CLSTN2: variants seen among roughly 807,000 people sequenced by gnomAD.
The protein encoded by CLSTN2 is calsyntenin 2.
In CLSTN2, 48 loss-of-function variants were observed where a neutral mutation model predicts 101.2. The observed-to-expected ratio is 0.47, with a 90% CI of 0.38 to 0.60. The LOEUF is 0.60. Among genes scored for constraint, CLSTN2 ranks in the 20% least tolerant of loss-of-function variants. CLSTN2 has a pLI of 0.00. For missense variants in CLSTN2, 1,160 were observed against 1,238.2 expected (o/e 0.94, Z 0.95); for synonymous variants, 481 against 463.6 (o/e 1.04, Z -0.48).
chr3:140,067,554 G>C (rs1431436878), intron 1 of CLSTN2, among the ~76,000 whole-genome samples: 2 of 152,214 alleles, frequency 1.3e-5, no homozygotes, highest in African/African-American at 4.8e-5. Flanking sequence ...GCCCATTTTA[G>C]AGAGGAGAAG....
chr3:139,949,266 A>T (rs989468330), intron 1 of CLSTN2, among the ~76,000 whole-genome samples: 1 of 152,078 alleles, frequency 6.6e-6, no homozygotes, highest in Non-Finnish European at 1.5e-5. Context: ...AACGCTATGG[A>T]TGAAGTAGGT....
At chr3:140,052,961 G>T (rs1026829468) in intron 1 of CLSTN2, among the ~76,000 whole-genome samples, 1 of 152,220 alleles carries the variant, frequency 6.6e-6, no homozygotes, top group Non-Finnish European at 1.5e-5. Flanking sequence ...GCAGAAGCAG[G>T]CTGTTTGTAG....
intron 2 of CLSTN2, among the ~76,000 whole-genome samples, chr3:140,320,620 G>GGC (rs113088475): frequency 0.018 from 2,582 of 146,100 alleles, 52 homozygotes; most frequent in South Asian, 0.097. Context: ...GCGGGGGGGG[G>GGC]CAGGGGTCAA....
intron 1 of CLSTN2, among the ~76,000 whole-genome samples, chr3:140,135,421 C>A (rs1253414382): frequency 6.6e-6 from 1 of 152,110 alleles, no homozygotes; most frequent in East Asian, 1.9e-4. Context: ...GCAGTAGAAT[C>A]TTGAGCTAAA....
intron 1 of CLSTN2, among the ~76,000 whole-genome samples, chr3:140,082,068 T>C (rs2008607718): frequency 6.6e-6 from 1 of 152,158 alleles, no homozygotes; most frequent in Non-Finnish European, 1.5e-5. Context: ...ACACCTTAAA[T>C]GGAGCAGCAG....
chr3:140,378,690 T>A (rs2087946462), intron 2 of CLSTN2, among the ~76,000 whole-genome samples: 1 of 152,178 alleles, frequency 6.6e-6, no homozygotes, highest in African/African-American at 2.4e-5. Flanking sequence ...ATCCTTGTAC[T>A]CAGAAAGAGC....
rs536976665 is a variant in CLSTN2 at position 140,060,335 on chromosome 3, T to C, written c.110-115616T>C. 9.9e-5 allele frequency among the ~76,000 whole-genome samples: 15 copies of C among 152,238 alleles called. No homozygotes were observed. In the South Asian group the frequency reaches 3.1e-3, roughly 32 times the overall value. On this transcript the variant is annotated intron_variant, in intron 1 of 16. Transcript: ENST00000458420. ...CTCATGGAGTAGGGGCTGGGGGTCA[T>C]GGGAAGAAGACTGCCTATGACTCTT... is the stretch of plus-strand genomic sequence containing the variant.
chr3:140,130,812 C>T (rs1027835295), intron 1 of CLSTN2, among the ~76,000 whole-genome samples: 46 of 152,136 alleles, frequency 3.0e-4, no homozygotes, highest in African/African-American at 1.0e-3. Context: ...TCTTTGTTTT[C>T]TAGAAGTCTT....
intron 2 of CLSTN2, among the ~76,000 whole-genome samples, chr3:140,234,875 C>T (rs1240420153): frequency 1.3e-5 from 2 of 152,186 alleles, no homozygotes; most frequent in African/African-American, 4.8e-5. Context: ...TGCTCCTCCT[C>T]TCTGCCTGTC....
chr3:140,530,689 G>T (rs1359919012), intron 8 of CLSTN2, among the ~76,000 whole-genome samples: 1 of 152,252 alleles, frequency 6.6e-6, no homozygotes, highest in Non-Finnish European at 1.5e-5. Flanking sequence ...GTCACACAGA[G>T]AGGATGGTCA....
At chr3:140,464,499 A>T (rs1395045256) in intron 7 of CLSTN2, among the ~76,000 whole-genome samples, 1 of 152,236 alleles carries the variant, frequency 6.6e-6, no homozygotes, top group East Asian at 1.9e-4. Flanking sequence ...AGCAAATCAC[A>T]TCACCAACAC....
intron 1 of CLSTN2, among the ~76,000 whole-genome samples, chr3:140,153,275 T>G (rs1364936127): frequency 6.6e-6 from 1 of 152,202 alleles, no homozygotes; most frequent in Non-Finnish European, 1.5e-5. Flanking sequence ...ACTGGTAATA[T>G]AAGGGGCTGC....
intron 1 of CLSTN2, among the ~76,000 whole-genome samples, chr3:140,043,094 G>A (rs1331485872): frequency 5.3e-5 from 8 of 152,120 alleles, no homozygotes; most frequent in Admixed American, 3.3e-4. Context: ...CTGAGGAATC[G>A]CCACACTGTC....
intron 2 of CLSTN2, among the ~76,000 whole-genome samples, chr3:140,332,836 C>T (rs184993465): frequency 6.6e-6 from 1 of 152,250 alleles, no homozygotes; most frequent in East Asian, 1.9e-4. Context: ...ACCTCATCCC[C>T]TGTTCATTTC....
chr3:140,032,010 AACACTGTT>A (rs1204151967), intron 1 of CLSTN2, among the ~76,000 whole-genome samples: 1 of 152,178 alleles, frequency 6.6e-6, no homozygotes, highest in African/African-American at 2.4e-5. Flanking sequence ...TAGCGATGGG[AACACTGTT>A]ACATGGTGCT....
At chr3:140,376,760 G>GTTAT (rs2087921956) in intron 2 of CLSTN2, among the ~76,000 whole-genome samples, 1 of 152,140 alleles carries the variant, frequency 6.6e-6, no homozygotes, top group African/African-American at 2.4e-5. Flanking sequence ...AAACTACCAT[G>GTTAT]TTATTTGTAG....
intron 2 of CLSTN2, among the ~76,000 whole-genome samples, chr3:140,401,945 C>A (rs1390846329): frequency 6.6e-6 from 1 of 152,154 alleles, no homozygotes; most frequent in Non-Finnish European, 1.5e-5. Flanking sequence ...TGGGAACTAG[C>A]CTTCTTACTG....
At chr3:140,557,725 G>A (rs781013707) in intron 11 of CLSTN2, among the ~76,000 whole-genome samples, 1 of 152,160 alleles carries the variant, frequency 6.6e-6, no homozygotes, top group South Asian at 2.1e-4. Flanking sequence ...GTAAGGTGAT[G>A]GCTGTCACCA....
At chr3:140,122,358 G>A (rs559789913) in intron 1 of CLSTN2, among the ~76,000 whole-genome samples, 27 of 152,292 alleles carry the variant, frequency 1.8e-4, no homozygotes, top group African/African-American at 6.5e-4. Context: ...AAATGCCGTG[G>A]ATAGATGTGA....
Sources: allele counts gnomAD v4.1 joint callset (sites outside exome capture counted in the v4.1 genomes callset), GRCh38; gene constraint gnomAD v4.1.1; transcripts MANE v1.5; gene names NCBI Gene and HGNC (gene_info 2026-07-23, HGNC 2026-07-21).